The following LRRC4C variants were observed in gnomAD, a reference collection of about 807,000 sequenced individuals.
The protein encoded by LRRC4C is leucine-rich repeat-containing protein 4C.
Under a neutral mutation model 33.6 loss-of-function variants are expected in LRRC4C, and 5 were observed. That is an observed-to-expected ratio of 0.15 (90% CI 0.08 to 0.31). LRRC4C has a LOEUF of 0.31. Among genes scored for constraint, LRRC4C ranks in the 10% least tolerant of loss-of-function variants. The pLI is 1.00. For missense variants in LRRC4C, 560 were observed against 796.7 expected, an observed-to-expected ratio of 0.70 and a Z score of 3.58; for synonymous variants, 329 against 302.0, an observed-to-expected ratio of 1.09 and a Z score of -0.93.
intron 2 of LRRC4C, among the ~76,000 whole-genome samples, chr11:40,930,756 T>C (rs960542881): frequency 7.2e-5 from 11 of 152,204 alleles, no homozygotes; most frequent in African/African-American, 2.7e-4. Context: ...GTGAATATCA[T>C]ATAAGCAATA....
At chr11:40,403,236 T>C (rs572325850) in intron 3 of LRRC4C, among the ~76,000 whole-genome samples, 10 of 152,220 alleles carry the variant, frequency 6.6e-5, no homozygotes, top group Admixed American at 2.6e-4. Flanking sequence ...CACCACAAGA[T>C]GAGTGGTTAT....
intron 2 of LRRC4C, among the ~76,000 whole-genome samples, chr11:40,870,091 A>G (rs1954560342): frequency 6.6e-6 from 1 of 152,192 alleles, no homozygotes; most frequent in South Asian, 2.1e-4. Context: ...GACAAGGTTA[A>G]GTCCTCAAGG....
At chr11:41,308,797 G>A (rs965463167) in intron 1 of LRRC4C, among the ~76,000 whole-genome samples, 3 of 151,508 alleles carry the variant, frequency 2.0e-5, no homozygotes, top group Non-Finnish European at 2.9e-5. Context: ...CAGATACAAC[G>A]TCTCTTTTTT....
intron 1 of LRRC4C, among the ~76,000 whole-genome samples, chr11:41,268,869 G>GAA (rs140636630): frequency 7.0e-5 from 10 of 143,006 alleles, no homozygotes; most frequent in African/African-American, 2.3e-4. Flanking sequence ...GATAGCTAAA[G>GAA]AAAAAAAAAA....
chr11:41,221,991 A>G (rs1947329383), intron 1 of LRRC4C, among the ~76,000 whole-genome samples: 1 of 152,214 alleles, frequency 6.6e-6, no homozygotes, highest in Non-Finnish European at 1.5e-5. Context: ...GGCTAACAAC[A>G]TATCTTTGGA....
At position 40,964,998 on chromosome 11, in the gene LRRC4C, T is replaced by G. The variant is rs552268165; in HGVS notation, c.-495-31275A>C. Among the ~76,000 whole-genome samples, 226 of 152,006 alleles carry G rather than the reference T, an allele frequency of 1.5e-3. 2 individuals carry two copies. Among genetic ancestry groups the G allele is most frequent in the African/African-American group, 5.3e-3 (218 of 41,490 alleles). ...TTACAGTCCCACCAACAGTGTAAAATTGTTCCTATTTCTCCACACCCTCTC... is the reference window on the plus strand; with the variant it reads ...TTACAGTCCCACCAACAGTGTAAAAGTGTTCCTATTTCTCCACACCCTCTC... On this transcript the variant is annotated intron_variant, in intron 1 of 6. Transcript: ENST00000528697.
chr11:40,155,759 A>G (rs1209727066), intron 5 of LRRC4C, among the ~76,000 whole-genome samples: 1 of 152,152 alleles, frequency 6.6e-6, no homozygotes, highest in Non-Finnish European at 1.5e-5. Context: ...GATTCACAGC[A>G]GAATTCTACC....
intron 1 of LRRC4C, among the ~76,000 whole-genome samples, chr11:40,952,480 C>A (rs984362486): frequency 3.3e-5 from 5 of 151,848 alleles, no homozygotes; most frequent in South Asian, 2.1e-4. Context: ...AAGCTTTCAA[C>A]CTTTTAATCT....
At chr11:40,234,153 C>T (rs192478686) in intron 5 of LRRC4C, among the ~76,000 whole-genome samples, 5 of 152,268 alleles carry the variant, frequency 3.3e-5, no homozygotes, top group Non-Finnish European at 7.4e-5. Flanking sequence ...ATTTAAGGGT[C>T]CCCAAAGAAC....
intron 1 of LRRC4C, among the ~76,000 whole-genome samples, chr11:41,169,467 A>G (rs1456231538): frequency 6.6e-6 from 1 of 152,082 alleles, no homozygotes. Context: ...ACTTCCACAT[A>G]CTGATTCTAT....
chr11:40,227,462 T>G (rs1330325451), intron 5 of LRRC4C, among the ~76,000 whole-genome samples: 1 of 152,034 alleles, frequency 6.6e-6, no homozygotes, highest in Non-Finnish European at 1.5e-5. Context: ...CTGACACTCA[T>G]CCCCCCGAAA....
At chr11:40,741,197 T>G (rs1248556922) in intron 2 of LRRC4C, among the ~76,000 whole-genome samples, 1 of 152,070 alleles carries the variant, frequency 6.6e-6, no homozygotes, top group East Asian at 1.9e-4. Context: ...CGTATTGATC[T>G]CAAGTAATTT....
chr11:40,898,353 CAAAAAAA>C (rs765252333), intron 2 of LRRC4C, among the ~76,000 whole-genome samples: 4 of 38,372 alleles, frequency 1.0e-4, no homozygotes, highest in Admixed American at 7.2e-4. Flanking sequence ...AACTCCATCT[CAAAAAAA>C]AAAAAAAAAA....
At chr11:40,846,133 GT>G (rs1262053729) in intron 2 of LRRC4C, among the ~76,000 whole-genome samples, 1 of 151,478 alleles carries the variant, frequency 6.6e-6, no homozygotes, top group Non-Finnish European at 1.5e-5. Context: ...TAGGTTGCCT[GT>G]TCACTCTGAT....
At chr11:40,587,958 C>T (rs1009674852) in intron 3 of LRRC4C, among the ~76,000 whole-genome samples, 2 of 151,888 alleles carry the variant, frequency 1.3e-5, no homozygotes, top group Non-Finnish European at 2.9e-5. Context: ...GTGTCTCTGC[C>T]CGGCTTTGGT....
At chr11:40,731,341 A>AATAC (rs146646354) in intron 2 of LRRC4C, among the ~76,000 whole-genome samples, 56,347 of 151,130 alleles carry the variant, frequency 0.37, 10,778 homozygotes, top group African/African-American at 0.4. Context: ...TAAATAAATA[A>AATAC]AGTGTGAGGC....
intron 3 of LRRC4C, among the ~76,000 whole-genome samples, chr11:40,585,795 T>C (rs192647910): frequency 0.042 from 4,418 of 105,274 alleles, 127 homozygotes; most frequent in Middle Eastern, 0.12. Context: ...CTACAAAGGA[T>C]ATGAACTCAT....
intron 1 of LRRC4C, among the ~76,000 whole-genome samples, chr11:41,383,731 G>T (rs181991774): frequency 1.3e-5 from 2 of 151,778 alleles, no homozygotes; most frequent in African/African-American, 4.8e-5. Flanking sequence ...TTTCATGATA[G>T]AAATAAATAC....
At chr11:40,340,907 G>A (rs1946836518) in intron 3 of LRRC4C, among the ~76,000 whole-genome samples, 2 of 152,146 alleles carry the variant, frequency 1.3e-5, no homozygotes, top group Non-Finnish European at 2.9e-5. Flanking sequence ...TCTACCATGG[G>A]TGAAGGTTTG....
Sources: allele counts gnomAD v4.1 joint callset (sites outside exome capture counted in the v4.1 genomes callset), GRCh38; gene constraint gnomAD v4.1.1; transcripts MANE v1.5; gene names NCBI Gene and HGNC (gene_info 2026-07-23, HGNC 2026-07-21).